PPM1E: variants seen among roughly 807,000 people sequenced by gnomAD.
PPM1E encodes the protein protein phosphatase, Mg2+/Mn2+ dependent 1E, also known as protein phosphatase 1E.
Under a neutral mutation model 65.9 loss-of-function variants are expected in PPM1E, and 20 were observed. The observed-to-expected ratio is 0.30, with a 90% CI of 0.21 to 0.44. PPM1E has a LOEUF of 0.44. PPM1E is among the 20% of genes least tolerant of loss of function. PPM1E has a pLI of 1.00. For synonymous variants in PPM1E, 352 were observed against 374.9 expected (o/e 0.94, Z 0.70); for missense variants, 713 against 953.1 (o/e 0.75, Z 3.32).
In PPM1E at chr17:58,758,928, G is replaced by A. The variant is rs114668329; in HGVS notation, c.464+2467G>A. 8.5e-3 allele frequency among the ~76,000 whole-genome samples: 1,296 copies of A among 151,972 alleles called. 18 individuals carry two copies. The highest frequency in any genetic ancestry group is 0.029 in the African/African-American group (1,208 of 41,422). On this transcript the variant is annotated intron_variant, in intron 1 of 6. Transcript: ENST00000308249. ...CTACTAAAAACACAATAATTAGCCG[G>A]GCATGGTGGTGCATGCCTGTAATCC...
At chr17:58,868,730 C>T (rs1321435199) in intron 1 of PPM1E, among the ~76,000 whole-genome samples, 2 of 151,984 alleles carry the variant, frequency 1.3e-5, no homozygotes, top group Non-Finnish European at 2.9e-5. Flanking sequence ...TCCTTTTCTT[C>T]CTTGGTTAGG....
intron 1 of PPM1E, among the ~76,000 whole-genome samples, chr17:58,952,270 G>A (rs2052250077): frequency 6.6e-6 from 1 of 152,194 alleles, no homozygotes; most frequent in Admixed American, 6.5e-5. Context: ...CTAGCTTGCT[G>A]AGGCTGTGGC....
chr17:58,777,055 G>A (rs1462220698), intron 1 of PPM1E, among the ~76,000 whole-genome samples: 2 of 152,006 alleles, frequency 1.3e-5, no homozygotes, highest in Admixed American at 1.3e-4. Context: ...AACATAGCAA[G>A]TCCCCGGCTT....
At chr17:58,778,580 T>G (rs1026249876) in intron 1 of PPM1E, among the ~76,000 whole-genome samples, 2 of 151,436 alleles carry the variant, frequency 1.3e-5, no homozygotes, top group African/African-American at 4.9e-5. Context: ...TCACTAATTT[T>G]TATATTCTTT....
chr17:58,808,876 C>T (rs980292980), intron 1 of PPM1E, among the ~76,000 whole-genome samples: 9 of 152,042 alleles, frequency 5.9e-5, no homozygotes, highest in Admixed American at 1.3e-4. Context: ...TTATTTTAAG[C>T]CTTTTTAGTA....
rs538961392 is a variant in PPM1E at position 58,820,465 on chromosome 17, G to A, written c.464+64004G>A. ...AATAATAATACATGTGATGTGCTAA[G>A]CCATGTTCAGGACCCATTAATGTAC... On this transcript the variant is annotated intron_variant, in intron 1 of 6. Transcript: ENST00000308249. Among the ~76,000 whole-genome samples the A allele has an allele frequency of 3.3e-5, 5 of 152,234 alleles. No individual in the cohort carries two copies. In the South Asian group the frequency reaches 6.2e-4, roughly 19 times the overall value.
chr17:58,770,942 C>T (rs1334459080), intron 1 of PPM1E, among the ~76,000 whole-genome samples: 6 of 151,834 alleles, frequency 4.0e-5, no homozygotes, highest in Non-Finnish European at 8.8e-5. Flanking sequence ...CTGCAGCCTC[C>T]GCCTCCTGGG....
In PPM1E at chr17:58,980,318, AAGG is replaced by A. The variant is rs1194259294; in HGVS notation, c.1558_1560del (p.Glu520del). On this transcript the variant is annotated inframe_deletion, in exon 7 of 7. Transcript: ENST00000308249. This position sits in a 1 kb window ranked among gnomAD's most constrained non-coding sequence, Gnocchi z 4.7. ...AGGGCAAGAAGATGGTGGGGATGAT[AAGG>A]AGAATCATGGAGAGTGCAAACGCCC... 3 of 1,614,160 alleles carry A rather than the reference AAGG, an allele frequency of 1.9e-6. No homozygotes were observed. Among genetic ancestry groups the A allele is most frequent in the Non-Finnish European group, 2.5e-6 (3 of 1,180,032 alleles).
At chr17:58,892,846 A>G (rs928530657) in intron 1 of PPM1E, among the ~76,000 whole-genome samples, 2 of 152,246 alleles carry the variant, frequency 1.3e-5, no homozygotes, top group African/African-American at 4.8e-5. Flanking sequence ...TATATGGCAA[A>G]TAAACATATG....
chr17:58,869,607 T>G (rs1460213945), intron 1 of PPM1E, among the ~76,000 whole-genome samples: 1 of 152,190 alleles, frequency 6.6e-6, no homozygotes, highest in Non-Finnish European at 1.5e-5. Flanking sequence ...GCACCATGCT[T>G]CTTCTTGTAC....
chr17:58,950,837 G>A (rs111468803), intron 1 of PPM1E, among the ~76,000 whole-genome samples: 10,787 of 146,940 alleles, frequency 0.073, 892 homozygotes, highest in African/African-American at 0.21. Context: ...GGAGTGCAGC[G>A]GCGTGATCTC....
At chr17:58,871,421 C>T (rs549976516) in intron 1 of PPM1E, among the ~76,000 whole-genome samples, 22 of 152,132 alleles carry the variant, frequency 1.4e-4, no homozygotes, top group Non-Finnish European at 1.3e-4. Context: ...ACAAAGACCT[C>T]GGTAGCCTAA....
At chr17:58,819,677 G>A (rs984064742) in intron 1 of PPM1E, among the ~76,000 whole-genome samples, 1 of 152,040 alleles carries the variant, frequency 6.6e-6, no homozygotes, top group African/African-American at 2.4e-5. Flanking sequence ...AAGGCAAAGG[G>A]GAGTAAGGCT....
At position 58,863,701 on chromosome 17, in the gene PPM1E, A is replaced by G. The variant is rs374340413; in HGVS notation, c.465-91948A>G. On this transcript the variant is annotated intron_variant, in intron 1 of 6. Coordinates refer to ENST00000308249, the MANE Select transcript of PPM1E (RefSeq NM_014906.5). Reference sequence around the variant, plus strand: ...GTGAATGCAGAGATTTTATTGAGCAATGGAAGTGGCTCTTAGTGTGCTGGG... The same window carrying G: ...GTGAATGCAGAGATTTTATTGAGCAGTGGAAGTGGCTCTTAGTGTGCTGGG... 7.9e-5 allele frequency among the ~76,000 whole-genome samples: 12 copies of G among 152,176 alleles called. 1 individual carries two copies. In the East Asian group the frequency reaches 1.3e-3, roughly 17 times the overall value.
chr17:58,881,153 G>A (rs187053235), intron 1 of PPM1E, among the ~76,000 whole-genome samples: 28 of 152,018 alleles, frequency 1.8e-4, no homozygotes, highest in East Asian at 1.4e-3. Context: ...TCACTTTCCC[G>A]TTTCCTTCTT....
At chr17:58,839,612 A>G (rs191142756) in intron 1 of PPM1E, among the ~76,000 whole-genome samples, 53 of 152,324 alleles carry the variant, frequency 3.5e-4, no homozygotes, top group Non-Finnish European at 6.9e-4. Context: ...CTAACATTGA[A>G]CAATAAGAAA....
intron 1 of PPM1E, among the ~76,000 whole-genome samples, chr17:58,760,769 C>G (rs1289990767): frequency 6.6e-6 from 1 of 152,166 alleles, no homozygotes; most frequent in Non-Finnish European, 1.5e-5. Context: ...CTAACATCAA[C>G]TGCAAGTTTG....
chr17:58,964,977 G>A (rs892693674), intron 2 of PPM1E, among the ~76,000 whole-genome samples: 1 of 151,684 alleles, frequency 6.6e-6, no homozygotes, highest in Non-Finnish European at 1.5e-5. Flanking sequence ...CCCAGGAGGC[G>A]GAGGTTGCAG....
At chr17:58,758,884 A>G (rs1387950709) in intron 1 of PPM1E, among the ~76,000 whole-genome samples, 1 of 152,060 alleles carries the variant, frequency 6.6e-6, no homozygotes, top group Non-Finnish European at 1.5e-5. Context: ...ATCTTGTCCA[A>G]CATGGCAAAA....
Sources: allele counts gnomAD v4.1 joint callset (sites outside exome capture counted in the v4.1 genomes callset), GRCh38; gene constraint gnomAD v4.1.1; non-coding constraint Gnocchi (gnomAD v3.1); transcripts MANE v1.5; gene names NCBI Gene and HGNC (gene_info 2026-07-23, HGNC 2026-07-21).